The following KCNJ16 variants were observed in gnomAD, a reference collection of about 807,000 sequenced individuals.
The protein encoded by KCNJ16 is inward rectifier potassium channel 16.
In KCNJ16, 15 loss-of-function variants were observed where a neutral mutation model predicts 18.5. The ratio of observed to expected loss-of-function variants is 0.81; its 90% CI spans 0.54 to 1.25. KCNJ16 has a LOEUF of 1.25. Among genes scored for constraint, KCNJ16 ranks in the 50% most tolerant of loss-of-function variants. The pLI is 0.00. For synonymous variants in KCNJ16, 174 were observed against 186.5 expected (o/e 0.93, Z 0.55); for missense variants, 523 against 525.7 (o/e 0.99, Z 0.05).
intron 2 of KCNJ16, among the ~76,000 whole-genome samples, chr17:70,120,476 A>G (rs548124679): frequency 1.3e-5 from 2 of 152,192 alleles, no homozygotes; most frequent in African/African-American, 2.4e-5. Context: ...GGTAATTTAT[A>G]AAGAAAAGAA....
rs908247008 is a variant in KCNJ16 at position 70,087,460 on chromosome 17, G to C, written c.-300+12070G>C. 3.3e-5 allele frequency among the ~76,000 whole-genome samples: 5 copies of C among 152,062 alleles called. No individual in the cohort carries two copies. In the South Asian group the frequency reaches 1.0e-3, roughly 32 times the overall value. On this transcript the variant is annotated intron_variant, in intron 1 of 3. Coordinates refer to ENST00000392671, the MANE Select transcript of KCNJ16 (RefSeq NM_170741.4). ...CTCACACCTATAATCCCAGCACTTT[G>C]GGAGGCCAAGGTGGGCGGATCATTT... is the stretch of plus-strand genomic sequence containing the variant.
In KCNJ16 at chr17:70,100,370, C is replaced by T. The variant is rs142874223; in HGVS notation, c.-299-288C>T. 1.2e-4 allele frequency among the ~76,000 whole-genome samples: 19 copies of T among 152,228 alleles called. No individual in the cohort carries two copies. In the East Asian group the frequency reaches 3.3e-3, roughly 26 times the overall value. On this transcript the variant is annotated intron_variant, in intron 1 of 3. Coordinates refer to ENST00000392671, the MANE Select transcript of KCNJ16 (RefSeq NM_170741.4). ...TGGTACAGCTTTTCTCCAAGATCAACGCCTTTCATTTGTGGATCTTCCATC... is the reference window on the plus strand; with the variant it reads ...TGGTACAGCTTTTCTCCAAGATCAATGCCTTTCATTTGTGGATCTTCCATC...
chr17:70,103,286 A>ATGTGTGATGTGTG lies in KCNJ16; in HGVS notation c.-191+2526_-191+2527insATGTGTGTGTGTG, dbSNP rs367701950. Among the ~76,000 whole-genome samples, 526 of 103,786 alleles carry ATGTGTGATGTGTG rather than the reference A, an allele frequency of 5.1e-3. 6 individuals are homozygous for ATGTGTGATGTGTG. The highest frequency in any genetic ancestry group is 7.6e-3 in the African/African-American group (194 of 25,460). The allele number at this position is 103,786 out of a possible 152,430, so 68.1% of individuals were successfully genotyped here. On this transcript the variant is annotated intron_variant, in intron 2 of 3. Coordinates refer to ENST00000392671, the MANE Select transcript of KCNJ16 (RefSeq NM_170741.4). The stretch of plus-strand genomic sequence containing the variant: ...GTATATGTGTATATAATATGCATAT[A>ATGTGTGATGTGTG]TGTGTGTGTGTATATATATATATAT...
At chr17:70,129,649 A>G (rs915157218) in intron 2 of KCNJ16, among the ~76,000 whole-genome samples, 1 of 152,232 alleles carries the variant, frequency 6.6e-6, no homozygotes, top group Non-Finnish European at 1.5e-5. Context: ...GTTAATGATC[A>G]CAATAATGAA....
chr17:70,131,556 C>T (rs1195142427), intron 3 of KCNJ16: 9 of 801,866 alleles, frequency 1.1e-5, no homozygotes, highest in Non-Finnish European at 6.1e-6. Context: ...TTATTGCATC[C>T]TTCTTTTAAG....
chr17:70,081,595 G>T (rs1406976232), intron 1 of KCNJ16, among the ~76,000 whole-genome samples: 1 of 152,162 alleles, frequency 6.6e-6, no homozygotes, highest in Non-Finnish European at 1.5e-5. Context: ...TTGTTCGTGT[G>T]TCTCTGCACT....
intron 2 of KCNJ16, among the ~76,000 whole-genome samples, chr17:70,114,202 C>T (rs186397422): frequency 1.3e-3 from 205 of 152,238 alleles, no homozygotes; most frequent in African/African-American, 4.8e-3. Context: ...AACCCAATCA[C>T]TTAAAGGTCA....
chr17:70,114,164 A>G (rs960121195), intron 2 of KCNJ16, among the ~76,000 whole-genome samples: 2 of 152,148 alleles, frequency 1.3e-5, no homozygotes, highest in African/African-American at 2.4e-5. Flanking sequence ...AGATGTCCTG[A>G]ATTTTCATTG....
At position 70,102,438 on chromosome 17, in the gene KCNJ16, G is replaced by A. The variant is rs1598125255; in HGVS notation, c.-191+1672G>A. ...AGACGGGGTTTCACCATATTGGCCA[G>A]GCTGGTCTCCAACTCCTGACCTCGT... On this transcript the variant is annotated intron_variant, in intron 2 of 3. Transcript: ENST00000392671. 2.0e-5 allele frequency among the ~76,000 whole-genome samples: 3 copies of A among 150,542 alleles called. No homozygotes were observed. The South Asian group carries it at 6.2e-4, about 31-fold the overall frequency.
intron 2 of KCNJ16, among the ~76,000 whole-genome samples, chr17:70,104,561 A>C (rs1354904179): frequency 6.6e-6 from 1 of 152,220 alleles, no homozygotes; most frequent in Non-Finnish European, 1.5e-5. Context: ...TACACTTAAG[A>C]AGCACACACT....
chr17:70,097,218 G>T (rs533890571), intron 1 of KCNJ16, among the ~76,000 whole-genome samples: 2 of 152,212 alleles, frequency 1.3e-5, no homozygotes, highest in East Asian at 3.9e-4. Flanking sequence ...TCCACACAAA[G>T]GACATGTCAA....
At chr17:70,128,909 G>A (rs939125428) in intron 2 of KCNJ16, 1 of 152,232 alleles carries the variant, frequency 6.6e-6, no homozygotes, top group Non-Finnish European at 1.5e-5. Context: ...GGTTTATAAA[G>A]TCTCCTGTAA....
At chr17:70,114,344 A>C (rs1014463351) in intron 2 of KCNJ16, among the ~76,000 whole-genome samples, 1 of 152,184 alleles carries the variant, frequency 6.6e-6, no homozygotes, top group Non-Finnish European at 1.5e-5. Context: ...GACAGTTTGC[A>C]GGCAGTACTC....
chr17:70,076,945 A>G (rs528765331), intron 1 of KCNJ16, among the ~76,000 whole-genome samples: 46 of 152,352 alleles, frequency 3.0e-4, no homozygotes, highest in Non-Finnish European at 7.4e-5. Flanking sequence ...GCCATCTTCA[A>G]AGCTACCTCC....
intron 2 of KCNJ16, among the ~76,000 whole-genome samples, chr17:70,129,961 A>G (rs1362754173): frequency 6.6e-6 from 1 of 151,716 alleles, no homozygotes; most frequent in African/African-American, 2.4e-5. Flanking sequence ...TTGGCAGAAG[A>G]AAAGAGCAGA....
chr17:70,119,831 G>A (rs914470584), intron 2 of KCNJ16, among the ~76,000 whole-genome samples: 1 of 151,388 alleles, frequency 6.6e-6, no homozygotes, highest in South Asian at 2.1e-4. Flanking sequence ...ATTAGCACTT[G>A]GCTCCCTTTT....
At chr17:70,108,868 G>C (rs369024651) in intron 2 of KCNJ16, among the ~76,000 whole-genome samples, 39 of 152,142 alleles carry the variant, frequency 2.6e-4, no homozygotes, top group African/African-American at 9.2e-4. Flanking sequence ...ATAATCAGTT[G>C]CCTAAATTTC....
Position 70,088,174 on chromosome 17 carries a change from C to A in KCNJ16, c.-299-12484C>A, listed in dbSNP as rs560111524. Reference sequence around the variant, plus strand: ...AGCTTTTAGGGCAGCGGTTTCCAACCCTTTTGGCACCAGATACTGGTTTTG... The same window carrying A: ...AGCTTTTAGGGCAGCGGTTTCCAACACTTTTGGCACCAGATACTGGTTTTG... On this transcript the variant is annotated intron_variant, in intron 1 of 3. Coordinates refer to ENST00000392671, the MANE Select transcript of KCNJ16 (RefSeq NM_170741.4). Among the ~76,000 whole-genome samples, 56 of 152,238 alleles carry A rather than the reference C, an allele frequency of 3.7e-4. 1 individual carries two copies. The South Asian group carries it at 0.012, about 32-fold the overall frequency.
Position 70,132,426 on chromosome 17 carries a change from C to T in KCNJ16, c.339C>T (p.Asp113=). The change falls in exon 4 of 4, where the codon GAC becomes GAT. Residue 113 remains aspartate, a synonymous_variant. Transcript: ENST00000392671. ...ATCCAGACATCACACCTTGTGTTGACAACGTCCATTCTTTCACAGGGGCCT... is the reference window on the plus strand; with the variant it reads ...ATCCAGACATCACACCTTGTGTTGATAACGTCCATTCTTTCACAGGGGCCT... ...LNDPDITPCV[D]NVHSFTGAFL... The T allele has an allele frequency of 6.2e-7, 1 of 1,614,154 alleles. No homozygotes were observed. Among genetic ancestry groups the T allele is most frequent in the Non-Finnish European group, 8.5e-7 (1 of 1,180,012 alleles).
Sources: allele counts gnomAD v4.1 joint callset (sites outside exome capture counted in the v4.1 genomes callset), GRCh38; gene constraint gnomAD v4.1.1; transcripts MANE v1.5; gene names NCBI Gene and HGNC (gene_info 2026-07-23, HGNC 2026-07-21).